Variants in UPF3A observed in about 807,000 individuals in gnomAD.
The protein encoded by UPF3A is regulator of nonsense transcripts 3A.
A neutral mutation model predicts 53.5 loss-of-function variants in UPF3A; 42 were observed. The ratio of observed to expected loss-of-function variants is 0.78; its 90% CI spans 0.61 to 1.01. The LOEUF is 1.01. UPF3A is among the 50% of genes least tolerant of loss of function. The pLI is 0.00. For missense variants in UPF3A, 575 were observed against 598.0 expected, an observed-to-expected ratio of 0.96 and a Z score of 0.40; for synonymous variants, 237 against 225.3, an observed-to-expected ratio of 1.05 and a Z score of -0.47.
intron 9 of UPF3A, among the ~76,000 whole-genome samples, chr13:114,302,973 G>A (rs1385592636): frequency 2.0e-5 from 3 of 152,076 alleles, no homozygotes; most frequent in East Asian, 1.9e-4. Context: ...GTGGTGGCGC[G>A]CCTGTAATCC....
intron 9 of UPF3A, 84 bp from the exon 10 acceptor site, chr13:114,304,705 A>C: frequency 2.6e-6 from 4 of 1,524,036 alleles, no homozygotes; most frequent in Non-Finnish European, 3.5e-6. Context: ...AATTCATATC[A>C]TCAAGTTCTA....
At chr13:114,284,646 C>T (rs1447848524) in intron 3 of UPF3A, among the ~76,000 whole-genome samples, 5 of 151,898 alleles carry the variant, frequency 3.3e-5, no homozygotes, top group Non-Finnish European at 7.4e-5. Context: ...TTGCAGTGAG[C>T]CAAGATCGTG....
chr13:114,297,528 C>T (rs1346555663), intron 7 of UPF3A, among the ~76,000 whole-genome samples: 1 of 152,134 alleles, frequency 6.6e-6, no homozygotes, highest in African/African-American at 2.4e-5. Context: ...TTCAGTTCTG[C>T]CATCTAGAAA....
chr13:114,291,010 C>T (rs1196306708), intron 5 of UPF3A, among the ~76,000 whole-genome samples: 1 of 151,826 alleles, frequency 6.6e-6, no homozygotes, highest in African/African-American at 2.4e-5. Flanking sequence ...GCTGAGATTA[C>T]ATGTGTGAGC....
chr13:114,296,139 C>T (rs2085972568), intron 7 of UPF3A, among the ~76,000 whole-genome samples: 1 of 152,222 alleles, frequency 6.6e-6, no homozygotes. Flanking sequence ...AATCCCAGCT[C>T]TTTGGGGGGC....
At chr13:114,304,246 A>G (rs1270582220) in intron 9 of UPF3A, among the ~76,000 whole-genome samples, 1 of 152,170 alleles carries the variant, frequency 6.6e-6, no homozygotes, top group African/African-American at 2.4e-5. Context: ...GGGCCACTCT[A>G]TGCTTCCCTG....
At chr13:114,304,522 G>T (rs1040540149) in intron 9 of UPF3A, among the ~76,000 whole-genome samples, 2 of 152,200 alleles carry the variant, frequency 1.3e-5, no homozygotes, top group Non-Finnish European at 2.9e-5. Context: ...CTCAGAGGGG[G>T]ACGTCATGAT....
At chr13:114,288,437 G>T (rs1443270630) in intron 5 of UPF3A, among the ~76,000 whole-genome samples, 1 of 152,186 alleles carries the variant, frequency 6.6e-6, no homozygotes, top group Admixed American at 6.5e-5. Flanking sequence ...GCTGAGCAGT[G>T]GAGGAAGGAA....
Position 114,281,787 on chromosome 13 carries a change from T to A in UPF3A, c.148T>A (p.Ser50Thr), listed in dbSNP as rs753436215. 3 of 1,555,094 alleles carry A rather than the reference T, an allele frequency of 1.9e-6. No homozygotes were observed. The South Asian group carries it at 3.6e-5, about 18-fold the overall frequency. The change falls in exon 1 of 10, where the codon TCC (serine) becomes ACC (threonine). Residue 50 changes from serine (S) to threonine (T), a missense_variant. Physicochemically the swap from Ser to Thr is moderately conservative, Grantham distance 58. Transcript: ENST00000375299. ...GGCTGAGACGCCGCCAACTTCGTCC[T>A]CCGGTTGCGGGGGCGGTGCGGGCAA... ...QEAETPPTSS[S>T]GCGGGAGKPR...
At chr13:114,302,757 C>T (rs781113819) in intron 9 of UPF3A, among the ~76,000 whole-genome samples, 27 of 152,206 alleles carry the variant, frequency 1.8e-4, no homozygotes, top group Non-Finnish European at 3.1e-4. Context: ...AGTCTAATTC[C>T]TTTCAGATCC....
chr13:114,305,101 G>T lies in UPF3A; in HGVS notation c.*184G>T, dbSNP rs1465467103. 6 of 653,986 alleles carry T rather than the reference G, an allele frequency of 9.2e-6. No individual in the cohort carries two copies. The highest frequency in any genetic ancestry group is 7.4e-5 in the African/African-American group (4 of 54,192). The allele number at this position is 653,986 out of a possible 1,614,324, so 40.5% of individuals were successfully genotyped here. A position where few individuals can be genotyped will look rare whatever the true frequency, so the allele number is the denominator to read the frequency against. ...GAAAGTAGTGATCTTGTATTAAATT[G>T]AGCAGAATTCTCACAGATTTTACCA... On this transcript the variant is annotated 3_prime_UTR_variant, in exon 10 of 10. Transcript: ENST00000375299.
Position 114,286,376 on chromosome 13 carries a change from G to A in UPF3A, c.496G>A (p.Ala166Thr), listed in dbSNP as rs1231134074. Residue 166 changes from alanine to threonine, a missense_variant, in exon 4 of 10, where the codon GCC becomes ACC. Around this residue, in one of 2 missense-constraint regions of UPF3A, gnomAD observed 323 missense variants for 415.2 expected, o/e 0.78. Coordinates refer to ENST00000375299, the MANE Select transcript of UPF3A (RefSeq NM_023011.4). ...IAKKKLRKKD[A>T]KTGSIEDDPE... The stretch of plus-strand genomic sequence containing the variant: ...CAAAAAGAAGCTGAGAAAAAAAGAT[G>A]CCAAGACTGGAAGCATCGAAGATGG... 2.5e-6 allele frequency: 4 copies of A among 1,614,066 alleles called. No homozygotes were observed. Among genetic ancestry groups the A allele is most frequent in the Non-Finnish European group, 3.4e-6 (4 of 1,180,022 alleles).
At chr13:114,302,475 CT>C (rs369189119) in intron 9 of UPF3A, among the ~76,000 whole-genome samples, 167 of 150,336 alleles carry the variant, frequency 1.1e-3, no homozygotes, top group African/African-American at 3.8e-3. Flanking sequence ...AAGCAAACAA[CT>C]TTTTTTTTTC....
At chr13:114,295,817 T>C (rs2085927857) in intron 7 of UPF3A, among the ~76,000 whole-genome samples, 1 of 152,188 alleles carries the variant, frequency 6.6e-6, no homozygotes, top group Non-Finnish European at 1.5e-5. Flanking sequence ...GCACAGGGTC[T>C]TAGGCCCTGG....
intron 7 of UPF3A, among the ~76,000 whole-genome samples, 189 bp downstream of exon 7, chr13:114,291,981 C>T (rs914996152): frequency 6.6e-6 from 1 of 152,118 alleles, no homozygotes; most frequent in Non-Finnish European, 1.5e-5. Context: ...GCGTCCTGAG[C>T]CCTGGGAGTC....
At chr13:114,287,672 CCTT>C (rs772236312) in intron 5 of UPF3A, 2 of 152,266 alleles carry the variant, frequency 1.3e-5, no homozygotes, top group Non-Finnish European at 2.9e-5. Flanking sequence ...ACATAAACTC[CCTT>C]CTTGTTTTGT....
chr13:114,302,651 C>T (rs1161212387), intron 9 of UPF3A, among the ~76,000 whole-genome samples: 1 of 152,232 alleles, frequency 6.6e-6, no homozygotes, highest in African/African-American at 2.4e-5. Context: ...CTGGCAGCCA[C>T]TGTCTGTTCT....
At chr13:114,300,895 A>C (rs2086544623) in intron 8 of UPF3A, among the ~76,000 whole-genome samples, 1 of 151,168 alleles carries the variant, frequency 6.6e-6, no homozygotes. Flanking sequence ...GGCTGCTCTC[A>C]ATCTCCTGAC....
rs1433199256 is a variant in UPF3A, at chr13:114,287,443, T to G, written c.631+814T>G. ...CATCTCTACTAAAGATACAAAAAAT[T>G]AGCAGGGCATGGTGGTGCGTGCCTA... On this transcript the variant is annotated intron_variant, in intron 5 of 9. Coordinates refer to ENST00000375299, the MANE Select transcript of UPF3A (RefSeq NM_023011.4). The G allele has an allele frequency of 2.0e-5, 3 of 151,422 alleles. No individual in the cohort carries two copies. In the East Asian group the frequency reaches 5.8e-4, roughly 29 times the overall value. The allele number at this position is 151,422 out of a possible 1,614,324, so 9.4% of individuals were successfully genotyped here. A position where few individuals can be genotyped will look rare whatever the true frequency, so the allele number is the denominator to read the frequency against.
Sources: allele counts gnomAD v4.1 joint callset (sites outside exome capture counted in the v4.1 genomes callset), GRCh38; gene constraint gnomAD v4.1.1; regional missense constraint gnomAD v4.1.1; transcripts MANE v1.5; gene names NCBI Gene and HGNC (gene_info 2026-07-23, HGNC 2026-07-21).